Variants in BANP observed in about 807,000 individuals in gnomAD.
BANP encodes BTG3 associated nuclear protein.
In BANP, 11 loss-of-function variants were observed where a neutral mutation model predicts 68.1. That is an observed-to-expected ratio of 0.16 (90% CI 0.10 to 0.27). The LOEUF (loss-of-function observed/expected upper bound fraction) is 0.27. BANP is among the 10% of genes least tolerant of loss of function. The pLI, the probability that BANP is intolerant of heterozygous loss-of-function variation, is 1.00. For missense variants in BANP, 504 were observed against 722.7 expected, an observed-to-expected ratio of 0.70 and a Z score of 3.47; for synonymous variants, 329 against 303.2, an observed-to-expected ratio of 1.09 and a Z score of -0.88.
At chr16:87,974,978 C>G (rs2061753072) in intron 1 of BANP, 70 bp from the exon 2 acceptor site, 1 of 716,660 alleles carries the variant, frequency 1.4e-6, no homozygotes, top group Non-Finnish European at 2.4e-6. Flanking sequence ...GTGCTCGGCT[C>G]GTGGTTTTCA....
intron 2 of BANP, among the ~76,000 whole-genome samples, chr16:87,978,211 A>G (rs1057195747): frequency 1.3e-5 from 2 of 152,254 alleles, no homozygotes; most frequent in African/African-American, 4.8e-5. Flanking sequence ...AATTATAGAA[A>G]GGAACACATA....
chr16:87,959,392 C>G (rs966603997), intron 1 of BANP, among the ~76,000 whole-genome samples: 1 of 152,232 alleles, frequency 6.6e-6, no homozygotes, highest in Non-Finnish European at 1.5e-5. Context: ...CACCCCCTGA[C>G]CTAGAGTGTG....
At chr16:87,991,738 AC>A (rs1204828963) in intron 4 of BANP, among the ~76,000 whole-genome samples, 1 of 152,092 alleles carries the variant, frequency 6.6e-6, no homozygotes, top group Admixed American at 6.6e-5. Context: ...TTCTTTACTG[AC>A]CTTTATCCTG....
intron 11 of BANP, among the ~76,000 whole-genome samples, chr16:88,051,475 G>A (rs995092229): frequency 6.6e-6 from 1 of 152,190 alleles, no homozygotes; most frequent in Non-Finnish European, 1.5e-5. Flanking sequence ...GCTCAGCCTC[G>A]GTGCCTCACG....
At chr16:88,048,559 C>T (rs116120584) in intron 11 of BANP, among the ~76,000 whole-genome samples, 2,018 of 151,614 alleles carry the variant, frequency 0.013, 39 homozygotes, top group African/African-American at 0.04. Flanking sequence ...ATCGAATCGG[C>T]GCTCACCACA....
intron 11 of BANP, among the ~76,000 whole-genome samples, chr16:88,062,950 G>C (rs1192304662): frequency 6.6e-6 from 1 of 152,196 alleles, no homozygotes; most frequent in Non-Finnish European, 1.5e-5. Context: ...GCTCTGTAGG[G>C]ACCCTGGCGT....
chr16:88,053,599 A>G (rs1178107849), intron 11 of BANP, among the ~76,000 whole-genome samples: 84 of 146,448 alleles, frequency 5.7e-4, no homozygotes, highest in Non-Finnish European at 1.5e-4. Flanking sequence ...CACCAACACA[A>G]CCACCCTAAC....
In BANP at chr16:88,039,530, C is replaced by T. The variant is rs1378351604; in HGVS notation, c.1311+1519C>T. 7.0e-5 allele frequency among the ~76,000 whole-genome samples: 10 copies of T among 143,714 alleles called. 1 individual carries two copies. Among genetic ancestry groups the T allele is most frequent in the African/African-American group, 1.7e-4 (7 of 41,000 alleles). The allele number at this position is 143,714 out of a possible 152,430, so 94.3% of individuals were successfully genotyped here. ...TAGGAAAAGTAAGGCACGTCACCTT[C>T]GACATTCCCTTGTTCCTGTCTCTAC... On this transcript the variant is annotated intron_variant, in intron 11 of 13. Coordinates refer to ENST00000682872, the MANE Select transcript of BANP (RefSeq NM_001386991.1).
chr16:88,069,981 A>G lies in BANP; in HGVS notation c.1378-2088A>G, dbSNP rs151116044. ...CCTCTTCCCCCCAGCCCCAGTCAGC[A>G]TGCGGACGGTGAGGACGAAGGCCAG... is the stretch of plus-strand genomic sequence containing the variant. On this transcript the variant is annotated intron_variant, in intron 12 of 13. Transcript: ENST00000682872. Among the ~76,000 whole-genome samples, 454 of 152,222 alleles carry G rather than the reference A, an allele frequency of 3.0e-3. 4 individuals carry two copies. The highest frequency in any genetic ancestry group is 0.011 in the African/African-American group (437 of 41,512).
At chr16:87,984,803 T>G (rs187320608) in intron 4 of BANP, among the ~76,000 whole-genome samples, 12 of 152,370 alleles carry the variant, frequency 7.9e-5, no homozygotes, top group African/African-American at 2.2e-4. Flanking sequence ...CATCCGAGGC[T>G]TCCTGTCAGA....
In BANP at chr16:88,068,954, G is replaced by GCCCCTGTCCGTGCACCCAGCCCAGC. The variant is rs1388286753; in HGVS notation, c.1378-3108_1378-3084dup. Among the ~76,000 whole-genome samples the GCCCCTGTCCGTGCACCCAGCCCAGC allele has an allele frequency of 3.5e-3, 533 of 151,920 alleles. 8 individuals carry two copies. Among genetic ancestry groups the GCCCCTGTCCGTGCACCCAGCCCAGC allele is most frequent in the Admixed American group, 0.029 (449 of 15,228 alleles). On this transcript the variant is annotated intron_variant, in intron 12 of 13. Coordinates refer to ENST00000682872, the MANE Select transcript of BANP (RefSeq NM_001386991.1). ...GACAGGGACTTGCTCTCTCTTTCCT[G>GCCCCTGTCCGTGCACCCAGCCCAGC]CCCCTGTCCGTGCACCCAGCCCAGC...
At chr16:87,984,387 G>A (rs2063877959) in intron 4 of BANP, 128 bp downstream of exon 4, 5 of 1,110,536 alleles carry the variant, frequency 4.5e-6, no homozygotes, top group South Asian at 3.2e-5. Context: ...AGCAGTCTCA[G>A]CAGTTTCTAA....
At chr16:88,048,015 G>A (rs1045633241) in intron 11 of BANP, among the ~76,000 whole-genome samples, 9 of 152,262 alleles carry the variant, frequency 5.9e-5, no homozygotes, top group Non-Finnish European at 1.3e-4. Flanking sequence ...GCTGATGGGT[G>A]ATGGGACGTG....
At chr16:87,988,493 C>T (rs2065033325) in intron 4 of BANP, among the ~76,000 whole-genome samples, 1 of 151,978 alleles carries the variant, frequency 6.6e-6, no homozygotes, top group African/African-American at 2.4e-5. Flanking sequence ...TCTCAAACTC[C>T]TGACCTCATG....
chr16:88,017,289 C>G lies in BANP; in HGVS notation c.656-1139C>G, dbSNP rs192566108. ...GTCCCGGCCCCTCGTGGGAGGTATT[C>G]AGGTTTCTACCCTTCCACAGGGGAG... On this transcript the variant is annotated intron_variant, in intron 6 of 13. Transcript: ENST00000682872. The G allele has an allele frequency of 3.3e-5, 5 of 152,402 alleles. No individual in the cohort carries two copies. In the East Asian group the frequency reaches 9.7e-4, roughly 29 times the overall value. 9.4% of individuals were successfully genotyped at this position (152,402 alleles called of 1,614,324 possible).
Position 88,057,732 on chromosome 16 carries a change from T to G in BANP, c.1312-7535T>G. 1.4e-5 allele frequency among the ~76,000 whole-genome samples: 1 copy of G among 73,178 alleles called. No individual in the cohort carries two copies. The highest frequency in any genetic ancestry group is 5.4e-4 in the South Asian group (1 of 1,842). 48.0% of individuals were successfully genotyped at this position (73,178 alleles called of 152,430 possible). A position where few individuals can be genotyped will look rare whatever the true frequency, so the allele number is the denominator to read the frequency against. On this transcript the variant is annotated intron_variant, in intron 11 of 13. Coordinates refer to ENST00000682872, the MANE Select transcript of BANP (RefSeq NM_001386991.1). The surrounding 1 kb of genome is among the most constrained non-coding windows in gnomAD (Gnocchi z 4.6). ...TCTGACTTCTGACAAGTAAGAGAGA[T>G]GGCGGGGCCATCTGGGTGGGGCGGG...
chr16:88,071,390 G>A lies in BANP; in HGVS notation c.1378-679G>A. ...GGGAAGTGGGCCTGGGTGCTTACAG[G>A]CGATGGGGTCACCAGAGCCCACCCA... On this transcript the variant is annotated intron_variant, in intron 12 of 13. Transcript: ENST00000682872. The surrounding 1 kb of genome is among the most constrained non-coding windows in gnomAD (Gnocchi z 6.5). 2 of 436,456 alleles carry A rather than the reference G, an allele frequency of 4.6e-6. No individual in the cohort carries two copies. The highest frequency in any genetic ancestry group is 4.6e-6 in the Non-Finnish European group (1 of 215,842). 27.0% of individuals were successfully genotyped at this position (436,456 alleles called of 1,614,324 possible).
At chr16:87,951,235 G>A (rs1420065043), upstream of BANP, among the ~76,000 whole-genome samples, 2 of 152,208 alleles carry the variant, frequency 1.3e-5, no homozygotes, top group Non-Finnish European at 2.9e-5. Context: ...CGAAAAACGG[G>A]GGGAAAAAAG....
At chr16:87,968,056 A>G (rs555724887) in intron 1 of BANP, among the ~76,000 whole-genome samples, 1 of 149,666 alleles carries the variant, frequency 6.7e-6, no homozygotes, top group African/African-American at 2.5e-5. Flanking sequence ...GCCTGGCCAG[A>G]AAAGGTTCTA....
Sources: gnomAD v4.1 joint callset for allele counts (sites outside exome capture counted in the v4.1 genomes callset) on GRCh38, gnomAD v4.1.1 for gene constraint, Gnocchi (gnomAD v3.1) non-coding constraint, MANE v1.5 for transcripts, NCBI Gene and HGNC (gene_info 2026-07-23, HGNC 2026-07-21) for gene names.